PPARGC1B: variants seen among roughly 807,000 people sequenced by gnomAD.
PPARGC1B encodes PPARG coactivator 1 beta.
A neutral mutation model predicts 101.6 loss-of-function variants in PPARGC1B; 34 were observed. The ratio of observed to expected loss-of-function variants is 0.33; its 90% confidence interval spans 0.25 to 0.45. The LOEUF is 0.45. Ranked by LOEUF, PPARGC1B falls within the 20% of genes least tolerant of loss-of-function variation. The pLI, the probability that PPARGC1B is intolerant of heterozygous loss-of-function variation, is 1.00. For synonymous variants in PPARGC1B, 548 were observed against 539.3 expected (o/e 1.02, Z -0.22); for missense variants, 1,234 against 1,317.6 (o/e 0.94, Z 0.98).
chr5:149,831,873 G>A (rs985114128), intron 4 of PPARGC1B, among the ~76,000 whole-genome samples: 1 of 152,212 alleles, frequency 6.6e-6, no homozygotes, highest in Non-Finnish European at 1.5e-5. Flanking sequence ...GTGGGCACTA[G>A]GAGCTACTGA....
intron 2 of PPARGC1B, among the ~76,000 whole-genome samples, chr5:149,823,165 T>G (rs1307868713): frequency 6.6e-6 from 1 of 152,166 alleles, no homozygotes; most frequent in East Asian, 1.9e-4. Context: ...TATTTTGTTG[T>G]TTTGTGACAA....
Position 149,845,784 on chromosome 5 carries a change from C to T in PPARGC1B, c.2841C>T (p.Thr947=). ...GAGGCGAGAAGTACGGCTTCATCAC[C>T]TACCGGTGTTCTGAGCACGCGGCCC... ...NRRGEKYGFI[T]YRCSEHAALS... The change falls in exon 11 of 12, where the codon ACC becomes ACT. Residue 947 remains threonine, a synonymous_variant. Coordinates refer to ENST00000309241, the MANE Select transcript of PPARGC1B (RefSeq NM_133263.4). The T allele has an allele frequency of 1.2e-6, 2 of 1,613,052 alleles. No homozygotes were observed. Among genetic ancestry groups the T allele is most frequent in the Non-Finnish European group, 1.7e-6 (2 of 1,179,148 alleles).
chr5:149,811,641 T>C (rs939105399), intron 1 of PPARGC1B, among the ~76,000 whole-genome samples: 1 of 152,158 alleles, frequency 6.6e-6, no homozygotes, highest in Non-Finnish European at 1.5e-5. Flanking sequence ...GTTAACCAAG[T>C]TGGTTGGTCA....
At chr5:149,752,226 A>G (rs1040245411) in intron 1 of PPARGC1B, among the ~76,000 whole-genome samples, 6 of 152,262 alleles carry the variant, frequency 3.9e-5, no homozygotes. Context: ...GTTAATATGT[A>G]CAGAACAAGA....
At chr5:149,818,184 C>G (rs17600568) in intron 1 of PPARGC1B, among the ~76,000 whole-genome samples, 7,021 of 152,308 alleles carry the variant, frequency 0.046, 310 homozygotes, top group Admixed American at 0.14. Flanking sequence ...CTGTGTCCCT[C>G]TCATCTTCAG....
At chr5:149,775,927 A>G (rs1166150715) in intron 1 of PPARGC1B, among the ~76,000 whole-genome samples, 2 of 152,110 alleles carry the variant, frequency 1.3e-5, no homozygotes, top group East Asian at 1.9e-4. Context: ...AAGTCCTTCC[A>G]TTTTCCTCTC....
intron 8 of PPARGC1B, 146 bp from the exon 9 acceptor site, chr5:149,839,895 C>G: frequency 2.6e-6 from 2 of 770,500 alleles, no homozygotes; most frequent in Non-Finnish European, 4.4e-6. Context: ...GAAGGGGAAG[C>G]TAGGTTTCTG....
rs368979130 is a variant in PPARGC1B at position 149,787,803 on chromosome 5, T to G, written c.79-32630T>G. 3.3e-5 allele frequency among the ~76,000 whole-genome samples: 5 copies of G among 152,262 alleles called. No homozygotes were observed. In the East Asian group the frequency reaches 5.8e-4, roughly 18 times the overall value. ...TAACTAAATGTAGAAATAACTCAAG[T>G]TTGGATAGAAGATTTTGTCTGTACA... On this transcript the variant is annotated intron_variant, in intron 1 of 11. Coordinates refer to ENST00000309241, the MANE Select transcript of PPARGC1B (RefSeq NM_133263.4).
chr5:149,755,052 C>CATACATATATATATATATATAT (rs1554132275), intron 1 of PPARGC1B, among the ~76,000 whole-genome samples: 1 of 108,956 alleles, frequency 9.2e-6, no homozygotes, highest in African/African-American at 3.8e-5. Context: ...TATACATATA[C>CATACATATATATATATATATAT]ATATATATAT....
chr5:149,834,181 G>A (rs4549516), intron 5 of PPARGC1B, among the ~76,000 whole-genome samples: 13,169 of 152,318 alleles, frequency 0.086, 1,054 homozygotes, highest in African/African-American at 0.21. Flanking sequence ...GCTAATAGCA[G>A]TAATGATAAC....
chr5:149,820,331 T>A, intron 1 of PPARGC1B, 102 bp from the exon 2 acceptor site: 1 of 1,185,136 alleles, frequency 8.4e-7, no homozygotes, highest in Non-Finnish European at 1.2e-6. Context: ...AAATCGGGCC[T>A]TGGCCACGGG....
intron 1 of PPARGC1B, among the ~76,000 whole-genome samples, chr5:149,812,725 A>G (rs1168482700): frequency 2.0e-5 from 3 of 152,244 alleles, no homozygotes; most frequent in Non-Finnish European, 4.4e-5. Flanking sequence ...GAATCCAGCC[A>G]GCGCAGCCCC....
intron 1 of PPARGC1B, among the ~76,000 whole-genome samples, chr5:149,785,675 T>C (rs1307903507): frequency 1.3e-5 from 2 of 152,250 alleles, no homozygotes; most frequent in African/African-American, 4.8e-5. Flanking sequence ...AAAGACCCTC[T>C]GTTTTGGTTC....
At chr5:149,770,333 T>C (rs1320856150) in intron 1 of PPARGC1B, among the ~76,000 whole-genome samples, 4 of 152,134 alleles carry the variant, frequency 2.6e-5, no homozygotes, top group Non-Finnish European at 5.9e-5. Flanking sequence ...AACACTCTAA[T>C]TGTTTCCTTC....
At chr5:149,762,792 C>G (rs939764507) in intron 1 of PPARGC1B, among the ~76,000 whole-genome samples, 1 of 152,050 alleles carries the variant, frequency 6.6e-6, no homozygotes, top group African/African-American at 2.4e-5. Context: ...GGTTCTCCCC[C>G]ACCCCTTTTT....
chr5:149,833,770 CT>C lies in PPARGC1B; in HGVS notation c.1698del (p.Arg568GlufsTer27). On this transcript the variant is annotated frameshift_variant, in exon 5 of 12. Transcript: ENST00000309241. LOFTEE classifies it high-confidence loss of function. The surrounding 1 kb of genome is among the most constrained non-coding windows in gnomAD (Gnocchi z 4.1). Reference sequence around the variant, plus strand: ...GAGGACCCCAGCTGCCCGCAGCTCCCTCCCAGAGGTAGTCAGAGTTGGTGGT... The same window carrying C: ...GAGGACCCCAGCTGCCCGCAGCTCCCCCCAGAGGTAGTCAGAGTTGGTGGT... ...MDEDPSCPQL[P>X]PRDSPRCLML... The C allele has an allele frequency of 6.6e-7, 1 of 1,523,752 alleles. No homozygotes were observed. The highest frequency in any genetic ancestry group is 1.3e-5 in the South Asian group (1 of 77,806). The allele number at this position is 1,523,752 out of a possible 1,614,324, so 94.4% of individuals were successfully genotyped here.
intron 1 of PPARGC1B, among the ~76,000 whole-genome samples, chr5:149,816,537 T>C (rs1758060519): frequency 6.6e-6 from 1 of 152,224 alleles, no homozygotes; most frequent in Non-Finnish European, 1.5e-5. Context: ...ACATAGCTTT[T>C]GTCTGGTTTT....
rs750065289 is a variant in PPARGC1B, at chr5:149,833,549, T to G, written c.1476T>G (p.Phe492Leu). 12 of 1,583,322 alleles carry G rather than the reference T, an allele frequency of 7.6e-6. No homozygotes were observed. In the South Asian group the frequency reaches 1.4e-4, roughly 18 times the overall value. Residue 492 changes from phenylalanine to leucine, a missense_variant, in exon 5 of 12, where the codon TTT becomes TTG. By Grantham distance (22) the Phe-to-Leu change is conservative (BLOSUM62 0). Around this residue, in one of 3 missense-constraint regions of PPARGC1B, gnomAD observed 734 missense variants for 768.4 expected, o/e 0.96. Coordinates refer to ENST00000309241, the MANE Select transcript of PPARGC1B (RefSeq NM_133263.4). This position sits in a 1 kb window ranked among gnomAD's most constrained non-coding sequence, Gnocchi z 4.1. ...CTGAGCTGGGCCCCTGGCTGACATT[T>G]GCAGATGAGCCGCTGGTCCCCTCGG... Reference protein sequence around the residue: ...LNPELGPWLTFADEPLVPSEP... With the variant: ...LNPELGPWLTLADEPLVPSEP...
At chr5:149,823,419 T>C (rs966477517) in intron 2 of PPARGC1B, among the ~76,000 whole-genome samples, 3 of 152,184 alleles carry the variant, frequency 2.0e-5, no homozygotes, top group African/African-American at 7.2e-5. Context: ...GTAGCCTACA[T>C]TCTGTTCCGT....
Sources: allele counts gnomAD v4.1 joint callset (sites outside exome capture counted in the v4.1 genomes callset), GRCh38; gene constraint gnomAD v4.1.1; regional missense constraint gnomAD v4.1.1; non-coding constraint Gnocchi (gnomAD v3.1); transcripts MANE v1.5; gene names NCBI Gene and HGNC (gene_info 2026-07-23, HGNC 2026-07-21).